Variants in KAZN observed in about 807,000 individuals in gnomAD.
The protein encoded by KAZN is kazrin.
Under a neutral mutation model 87.4 loss-of-function variants are expected in KAZN, and 40 were observed. That is an observed-to-expected ratio of 0.46 (90% CI 0.36 to 0.60). KAZN has a LOEUF of 0.60. Ranked by LOEUF, KAZN falls within the 20% of genes least tolerant of loss-of-function variation. KAZN has a pLI of 0.00. For synonymous variants in KAZN, 466 were observed against 458.3 expected (o/e 1.02, Z -0.22); for missense variants, 898 against 1,073.9 (o/e 0.84, Z 2.29).
intron 1 of KAZN, among the ~76,000 whole-genome samples, chr1:14,859,016 C>G (rs1650511715): frequency 6.6e-6 from 1 of 152,088 alleles, no homozygotes; most frequent in African/African-American, 2.4e-5. Flanking sequence ...ACCATCCTGG[C>G]TAACGCAGTG....
At chr1:14,316,864 C>G (rs954459294) in intron 2 of KAZN, among the ~76,000 whole-genome samples, 3 of 151,806 alleles carry the variant, frequency 2.0e-5, no homozygotes, top group African/African-American at 7.2e-5. Context: ...TCATTGGTTT[C>G]TAATTTAATT....
rs1404654412 is a variant in KAZN, at chr1:14,245,107, CCCA to C, written c.249+64523_249+64525del. 1.2e-4 allele frequency among the ~76,000 whole-genome samples: 18 copies of C among 151,944 alleles called. 1 individual carries two copies. The highest frequency in any genetic ancestry group is 1.5e-5 in the Non-Finnish European group (1 of 68,002). On this transcript the variant is annotated intron_variant, in intron 2 of 16. Transcript: ENST00000636203. ...TCCCGAGTAGCTGAGATTACCAGTG[CCCA>C]CCACCACGCCTGGCTGATTTTTGTA...
intron 1 of KAZN, among the ~76,000 whole-genome samples, chr1:14,881,926 G>A (rs1479125884): frequency 6.6e-6 from 1 of 152,158 alleles, no homozygotes; most frequent in East Asian, 1.9e-4. Flanking sequence ...GCTCCTCCGG[G>A]GAAAGGCCTG....
chr1:14,042,184 T>C (rs188615403), intron 1 of KAZN, among the ~76,000 whole-genome samples: 1 of 151,864 alleles, frequency 6.6e-6, no homozygotes, highest in Non-Finnish European at 1.5e-5. Context: ...TTCTCTTCAG[T>C]TTTTTTTCCC....
chr1:14,819,495 A>G (rs1219769474), intron 1 of KAZN, among the ~76,000 whole-genome samples: 1 of 152,012 alleles, frequency 6.6e-6, no homozygotes, highest in East Asian at 1.9e-4. Flanking sequence ...CAGCCTTACG[A>G]ATAAAAACTG....
chr1:13,931,927 T>C (rs1168252839), intron 1 of KAZN, among the ~76,000 whole-genome samples: 5 of 152,020 alleles, frequency 3.3e-5, no homozygotes, highest in African/African-American at 4.8e-5. Flanking sequence ...AACCTCTGCC[T>C]TCATGGTTCA....
intron 1 of KAZN, among the ~76,000 whole-genome samples, chr1:14,885,703 G>A (rs1322597931): frequency 6.6e-6 from 1 of 152,056 alleles, no homozygotes; most frequent in Non-Finnish European, 1.5e-5. Flanking sequence ...TCCCAGGTAA[G>A]ACCCATGTAC....
At chr1:14,684,706 T>C (rs1640857790) in intron 1 of KAZN, among the ~76,000 whole-genome samples, 1 of 152,160 alleles carries the variant, frequency 6.6e-6, no homozygotes, top group Non-Finnish European at 1.5e-5. Flanking sequence ...GCATCTTCTC[T>C]CTCTGACTCT....
intron 2 of KAZN, among the ~76,000 whole-genome samples, chr1:14,191,140 G>A (rs1054720122): frequency 6.6e-6 from 1 of 152,150 alleles, no homozygotes; most frequent in African/African-American, 2.4e-5. Context: ...GCAAAAGGGT[G>A]CATTGAATGC....
intron 1 of KAZN, among the ~76,000 whole-genome samples, chr1:14,610,103 C>G (rs575027978): frequency 6.6e-6 from 1 of 152,358 alleles, no homozygotes; most frequent in South Asian, 2.1e-4. Context: ...AAGGGGAATC[C>G]ATTTTTACAA....
chr1:14,125,968 T>A (rs1430012866), intron 1 of KAZN, among the ~76,000 whole-genome samples: 1 of 43,066 alleles, frequency 2.3e-5, no homozygotes, highest in Non-Finnish European at 4.4e-5. Flanking sequence ...CGGGGTGGGG[T>A]GGGGGGTGGG....
At chr1:13,956,240 G>A (rs1198227516) in intron 1 of KAZN, among the ~76,000 whole-genome samples, 3 of 151,652 alleles carry the variant, frequency 2.0e-5, no homozygotes, top group African/African-American at 7.3e-5. Flanking sequence ...TTCCTTACTT[G>A]GAATGTCAAC....
At chr1:14,839,005 A>G (rs1488258298) in intron 1 of KAZN, among the ~76,000 whole-genome samples, 1 of 152,182 alleles carries the variant, frequency 6.6e-6, no homozygotes, top group Non-Finnish European at 1.5e-5. Context: ...CCATGCCCCC[A>G]TAATCAACTC....
chr1:14,074,206 G>T (rs1643355849), intron 1 of KAZN, among the ~76,000 whole-genome samples: 1 of 152,138 alleles, frequency 6.6e-6, no homozygotes, highest in Non-Finnish European at 1.5e-5. Flanking sequence ...GGAAAGCCAG[G>T]TTTGAACACA....
intron 1 of KAZN, among the ~76,000 whole-genome samples, chr1:13,968,078 G>A (rs1197423718): frequency 6.6e-6 from 1 of 152,194 alleles, no homozygotes; most frequent in African/African-American, 2.4e-5. Context: ...TCTTGAGGGA[G>A]GAAATGGCTA....
At chr1:14,121,507 G>A (rs987039310) in intron 1 of KAZN, among the ~76,000 whole-genome samples, 3 of 152,120 alleles carry the variant, frequency 2.0e-5, no homozygotes, top group African/African-American at 7.2e-5. Flanking sequence ...TCAAATGCAA[G>A]CAATCTGGAT....
At chr1:14,394,315 G>A (rs1662710106) in intron 2 of KAZN, among the ~76,000 whole-genome samples, 1 of 152,230 alleles carries the variant, frequency 6.6e-6, no homozygotes, top group Admixed American at 6.5e-5. Flanking sequence ...TGCCATTTCA[G>A]CAGACAAATG....
chr1:14,516,564 C>G (rs903457879), intron 2 of KAZN, among the ~76,000 whole-genome samples: 1 of 152,210 alleles, frequency 6.6e-6, no homozygotes, highest in African/African-American at 2.4e-5. Flanking sequence ...CGAGAAACAA[C>G]AGACTCTTAA....
intron 1 of KAZN, among the ~76,000 whole-genome samples, chr1:14,886,887 C>T (rs558509678): frequency 2.8e-4 from 43 of 152,304 alleles, no homozygotes; most frequent in African/African-American, 9.6e-4. Flanking sequence ...TTTATTTAGT[C>T]GTTAAGAGCT....
Sources: allele counts gnomAD v4.1 joint callset (sites outside exome capture counted in the v4.1 genomes callset), GRCh38; gene constraint gnomAD v4.1.1; transcripts MANE v1.5; gene names NCBI Gene and HGNC (gene_info 2026-07-23, HGNC 2026-07-21).